The following TBX5 variants were observed in gnomAD, a reference collection of about 807,000 sequenced individuals.
TBX5 encodes T-box transcription factor 5, also known as T-box transcription factor TBX5.
TBX5 carries 8 observed loss-of-function variants against 51.1 expected under a neutral mutation model. The ratio of observed to expected loss-of-function variants is 0.16; its 90% CI spans 0.09 to 0.28. The LOEUF is 0.28. Among genes scored for constraint, TBX5 ranks in the 10% least tolerant of loss-of-function variants. The pLI, the probability that TBX5 is intolerant of heterozygous loss-of-function variation, is 1.00. For synonymous variants in TBX5, 302 were observed against 266.4 expected, an observed-to-expected ratio of 1.13 and a Z score of -1.30; for missense variants, 589 against 671.7, an observed-to-expected ratio of 0.88 and a Z score of 1.36.
chr12:114,397,059 C>T (rs1296897156), intron 5 of TBX5, among the ~76,000 whole-genome samples: 2 of 152,186 alleles, frequency 1.3e-5, no homozygotes, highest in Admixed American at 1.3e-4. Context: ...ATCCTCTTCC[C>T]ATCCCAGATC....
At chr12:114,398,922 G>A (rs1351966326) in intron 4 of TBX5, among the ~76,000 whole-genome samples, 1 of 152,174 alleles carries the variant, frequency 6.6e-6, no homozygotes, top group East Asian at 1.9e-4. Flanking sequence ...GCAAGCCCCT[G>A]GCCCAGCCCT....
In TBX5 at chr12:114,403,179, G is replaced by T. The variant is rs888359277; in HGVS notation, c.147+573C>A. On this transcript the variant is annotated intron_variant, in intron 2 of 8. Coordinates refer to ENST00000405440, the MANE Select transcript of TBX5 (RefSeq NM_181486.4). ...GTGCCCTCCGGGCAGAGCTCTGTGC[G>T]CTCCCAGCGGCCGGTGATGGCGCGC... Among the ~76,000 whole-genome samples, 18 of 152,354 alleles carry T rather than the reference G, an allele frequency of 1.2e-4. No homozygotes were observed. In the South Asian group the frequency reaches 3.5e-3, roughly 30 times the overall value.
intron 6 of TBX5, among the ~76,000 whole-genome samples, chr12:114,390,051 CTG>C (rs1491012418): frequency 1.3e-5 from 2 of 152,124 alleles, no homozygotes; most frequent in African/African-American, 4.8e-5. Flanking sequence ...AACAGATTGG[CTG>C]TTACCCAATC....
Position 114,399,519 on chromosome 12 carries a change from T to C in TBX5, c.356A>G (p.Asn119Ser), listed in dbSNP as rs556671717. 6 of 1,614,154 alleles carry C rather than the reference T, an allele frequency of 3.7e-6. No homozygotes were observed. In the East Asian group the frequency reaches 1.3e-4, roughly 36 times the overall value. The change falls in exon 4 of 9, where the codon AAT (asparagine) becomes AGT (serine). Residue 119 changes from asparagine to serine, a missense_variant. By Grantham distance (46) the Asn-to-Ser change is conservative. Around this residue, in one of 7 missense-constraint regions of TBX5, gnomAD observed 85 missense variants for 95.6 expected, o/e 0.89. Transcript: ENST00000405440. Reference sequence around the variant, plus strand: ...CTGCCACCCCAGTGCCTACCATTTATTATCTGCGAATTTGTATCTGTGATC... The same window carrying C: ...CTGCCACCCCAGTGCCTACCATTTACTATCTGCGAATTTGTATCTGTGATC... ...ADDHRYKFAD[N>S]KWSVTGKAEP... is the part of the protein sequence containing the mutation.
At chr12:114,402,588 G>C (rs1429142156) in intron 2 of TBX5, among the ~76,000 whole-genome samples, 1 of 152,054 alleles carries the variant, frequency 6.6e-6, no homozygotes, top group Non-Finnish European at 1.5e-5. Flanking sequence ...AACCTTCCAG[G>C]CTCTCTCTAC....
upstream of TBX5, among the ~76,000 whole-genome samples, chr12:114,406,612 A>G (rs887765346): frequency 4.0e-5 from 6 of 151,686 alleles, no homozygotes; most frequent in African/African-American, 1.5e-4. Flanking sequence ...CCTACTCTCA[A>G]CGACTCTGGG....
In TBX5 at chr12:114,394,998, C is replaced by T. The variant is rs563941121; in HGVS notation, c.511-105G>A. 8.1e-6 allele frequency: 9 copies of T among 1,104,296 alleles called. No homozygotes were observed. In the African/African-American group the frequency reaches 1.3e-4, roughly 16 times the overall value. The allele number at this position is 1,104,296 out of a possible 1,614,324, so 68.4% of individuals were successfully genotyped here. On this transcript the variant is annotated intron_variant, in intron 5 of 8. Transcript: ENST00000405440. ...CTAAATTCGCCTTGTTATATCGGCT[C>T]TCGAAAAATAGATATTTTTCTTCTG...
chr12:114,372,569 G>A (rs554261692), intron 7 of TBX5, among the ~76,000 whole-genome samples: 1 of 151,692 alleles, frequency 6.6e-6, no homozygotes. Context: ...GCCTCCCAAA[G>A]CACTGGGATA....
At chr12:114,361,866 A>G (rs1384112788) in intron 8 of TBX5, among the ~76,000 whole-genome samples, 3 of 152,098 alleles carry the variant, frequency 2.0e-5, no homozygotes, top group Non-Finnish European at 4.4e-5. Context: ...GTTCCCTGTC[A>G]CTGGGAGCTC....
At chr12:114,406,222 C>T (rs1198407051), upstream of TBX5, 1 of 152,644 alleles carries the variant, frequency 6.6e-6, no homozygotes, top group African/African-American at 2.6e-5. Flanking sequence ...TCCCGTCCTC[C>T]CTTCCCCCCA....
At position 114,399,600 on chromosome 12, in the gene TBX5, G is replaced by C; in HGVS notation, c.275C>G (p.Thr92Arg). Residue 92 changes from threonine to arginine, a missense_variant, in exon 4 of 9, where the codon ACG (threonine) becomes AGG (arginine). Physicochemically the swap from Thr to Arg is moderately conservative, Grantham distance 71 (BLOSUM62 -1). Coordinates refer to ENST00000405440, the MANE Select transcript of TBX5 (RefSeq NM_181486.4). ...GTACTTCGTTTTGGGATTAAGGCCCGTCACCTTCACTTTGTAACTGGGAAA... is the reference window on the plus strand; with the variant it reads ...GTACTTCGTTTTGGGATTAAGGCCCCTCACCTTCACTTTGTAACTGGGAAA... ...RMFPSYKVKV[T>R]GLNPKTKYIL... 1 of 1,614,154 alleles carries C rather than the reference G, an allele frequency of 6.2e-7. No homozygotes were observed. Among genetic ancestry groups the C allele is most frequent in the South Asian group, 1.1e-5 (1 of 91,076 alleles).
intron 8 of TBX5, among the ~76,000 whole-genome samples, chr12:114,365,631 C>T (rs997241111): frequency 2.0e-5 from 3 of 152,006 alleles, no homozygotes; most frequent in African/African-American, 7.2e-5. Context: ...GAGGTTTAGA[C>T]AAGCCTGGGC....
chr12:114,355,813 A>T lies in TBX5; in HGVS notation c.1276T>A (p.Phe426Ile). ...GGCCCCGAGGTGAAGTGAGCGGAGAAGTGCTGGTAGGGTAGCCTGTCCATG... is the reference window on the plus strand; with the variant it reads ...GGCCCCGAGGTGAAGTGAGCGGAGATGTGCTGGTAGGGTAGCCTGTCCATG... ...QPMDRLPYQH[F>I]SAHFTSGPLV... Residue 426 changes from phenylalanine to isoleucine, a missense_variant, in exon 9 of 9, where the codon TTC (phenylalanine) becomes ATC (isoleucine). Transcript: ENST00000405440. 1 of 1,614,114 alleles carries T rather than the reference A, an allele frequency of 6.2e-7. No homozygotes were observed. Among genetic ancestry groups the T allele is most frequent in the Non-Finnish European group, 8.5e-7 (1 of 1,180,038 alleles).
chr12:114,375,409 C>T (rs1036308712), intron 7 of TBX5, among the ~76,000 whole-genome samples: 1 of 152,104 alleles, frequency 6.6e-6, no homozygotes, highest in African/African-American at 2.4e-5. Context: ...GTTTGAGAAA[C>T]ACTGCTCAAT....
At chr12:114,379,064 A>C (rs1208782355) in intron 7 of TBX5, among the ~76,000 whole-genome samples, 1 of 152,216 alleles carries the variant, frequency 6.6e-6, no homozygotes, top group East Asian at 1.9e-4. Flanking sequence ...CCCATCCAAA[A>C]GCAGCATCAA....
upstream of TBX5, chr12:114,407,027 G>A: frequency 2.0e-6 from 2 of 985,076 alleles, no homozygotes; most frequent in Non-Finnish European, 2.4e-6. Flanking sequence ...GATTTTTCTA[G>A]GGTTCTGATA....
intron 4 of TBX5, among the ~76,000 whole-genome samples, chr12:114,399,301 T>C (rs1407909705): frequency 6.6e-6 from 1 of 152,176 alleles, no homozygotes; most frequent in East Asian, 1.9e-4. Flanking sequence ...CCTCTGAGCC[T>C]CCGCTTTCTC....
intron 7 of TBX5, among the ~76,000 whole-genome samples, chr12:114,376,513 G>A (rs1870197868): frequency 6.6e-6 from 1 of 152,162 alleles, no homozygotes; most frequent in Admixed American, 6.5e-5. Context: ...GGAGATATAG[G>A]TCAAAGGCAT....
intron 6 of TBX5, among the ~76,000 whole-genome samples, chr12:114,390,998 G>C (rs1225306928): frequency 2.0e-5 from 3 of 152,112 alleles, no homozygotes; most frequent in Non-Finnish European, 4.4e-5. Flanking sequence ...CGTCATTAGG[G>C]GCCCAGTGGT....
Sources: gnomAD v4.1 joint callset for allele counts (sites outside exome capture counted in the v4.1 genomes callset) on GRCh38, gnomAD v4.1.1 for gene constraint, gnomAD v4.1.1 regional missense constraint, MANE v1.5 for transcripts, NCBI Gene and HGNC (gene_info 2026-07-23, HGNC 2026-07-21) for gene names.